Variants in MAN2B2 observed in about 807,000 individuals in gnomAD.
The protein encoded by MAN2B2 is epididymis-specific alpha-mannosidase.
A neutral mutation model predicts 117.1 loss-of-function variants in MAN2B2; 106 were observed. That is an observed-to-expected ratio of 0.90 (90% CI 0.77 to 1.06). The LOEUF (loss-of-function observed/expected upper bound fraction) is 1.06. Ranked by LOEUF, MAN2B2 falls within the 50% of genes least tolerant of loss-of-function variation. The probability of loss-of-function intolerance (pLI) is 0.00; values close to 1 mark genes in which losing one functional copy is unlikely to be tolerated. For missense variants in MAN2B2, 1,326 were observed against 1,381.4 expected (o/e 0.96, Z 0.64); for synonymous variants, 544 against 595.1 (o/e 0.91, Z 1.25).
At chr4:6,591,734 G>C (rs1330884008) in intron 5 of MAN2B2, among the ~76,000 whole-genome samples, 3 of 152,154 alleles carry the variant, frequency 2.0e-5, no homozygotes, top group Admixed American at 2.0e-4. Flanking sequence ...TCCCCAGAAG[G>C]CTTTGGGTGA....
rs576899784 is a variant in MAN2B2 at position 6,593,335 on chromosome 4, C to T, written c.843C>T (p.His281=). ...GGGCCGCCTGGTTCCGGACACCGCA[C>T]GTCCTCTGGCCCTGGGTAAGGCAGA... is the stretch of plus-strand genomic sequence containing the variant. ...KQRAAWFRTP[H]VLWPWGCDKQ... Residue 281 remains histidine, a synonymous_variant, in exon 6 of 19, where the codon CAC becomes CAT. Coordinates refer to ENST00000285599, the MANE Select transcript of MAN2B2 (RefSeq NM_015274.3). 2.0e-5 allele frequency: 33 copies of T among 1,612,702 alleles called. No individual in the cohort carries two copies. Among genetic ancestry groups the T allele is most frequent in the East Asian group, 8.9e-5 (4 of 44,822 alleles).
intron 4 of MAN2B2, among the ~76,000 whole-genome samples, chr4:6,588,475 C>T (rs1726729379): frequency 6.6e-6 from 1 of 152,154 alleles, no homozygotes; most frequent in Non-Finnish European, 1.5e-5. Flanking sequence ...AATCCCAGCC[C>T]TTTGGGAGGT....
chr4:6,590,104 G>A (rs1298902014), intron 5 of MAN2B2, among the ~76,000 whole-genome samples: 1 of 150,220 alleles, frequency 6.7e-6, no homozygotes, highest in Non-Finnish European at 1.5e-5. Context: ...GGGCACAGTA[G>A]CTCATGCCTG....
intron 3 of MAN2B2, among the ~76,000 whole-genome samples, chr4:6,583,896 C>G (rs192615369): frequency 8.7e-4 from 132 of 152,320 alleles, no homozygotes; most frequent in African/African-American, 3.0e-3. Context: ...AGCACACGCA[C>G]TGTGTTTAGG....
intron 3 of MAN2B2, among the ~76,000 whole-genome samples, chr4:6,578,979 C>T (rs1275558635): frequency 6.9e-6 from 1 of 144,700 alleles, no homozygotes; most frequent in Non-Finnish European, 1.5e-5. Context: ...ACCACCACCA[C>T]GATGACCATC....
chr4:6,606,758 C>T lies in MAN2B2; in HGVS notation c.1814+1429C>T, dbSNP rs147669759. On this transcript the variant is annotated intron_variant, in intron 11 of 18. Coordinates refer to ENST00000285599, the MANE Select transcript of MAN2B2 (RefSeq NM_015274.3). ...TGTTGGTATTCAGAGTAGGGGCCAT[C>T]GGGAGACGACACCTGGGGCCAGGCC... Among the ~76,000 whole-genome samples, 1,333 of 152,262 alleles carry T rather than the reference C, an allele frequency of 8.8e-3. 10 individuals are homozygous for T. Among genetic ancestry groups the T allele is most frequent in the Middle Eastern group, 0.055 (16 of 292 alleles).
chr4:6,584,298 G>C (rs1726551429), intron 3 of MAN2B2, among the ~76,000 whole-genome samples: 1 of 152,192 alleles, frequency 6.6e-6, no homozygotes, highest in South Asian at 2.1e-4. Flanking sequence ...TGATATCTGT[G>C]ATTCTCATGT....
At chr4:6,592,761 G>A (rs1360838289) in intron 5 of MAN2B2, among the ~76,000 whole-genome samples, 1 of 152,192 alleles carries the variant, frequency 6.6e-6, no homozygotes, top group African/African-American at 2.4e-5. Flanking sequence ...AACAGAGAAA[G>A]ATGTTAAATA....
At chr4:6,604,995 C>T (rs905872261) in intron 10 of MAN2B2, 60 bp from the exon 11 acceptor site, 1 of 1,562,686 alleles carries the variant, frequency 6.4e-7, no homozygotes, top group Non-Finnish European at 8.7e-7. Context: ...GTAGTGAGCA[C>T]CCCATTCCAG....
At chr4:6,611,381 T>C in intron 15 of MAN2B2, 103 bp downstream of exon 15, 1 of 1,279,880 alleles carries the variant, frequency 7.8e-7, no homozygotes, top group Non-Finnish European at 1.1e-6. Context: ...CTGGGCAGCT[T>C]TTGGGCAGGA....
At position 6,620,053 on chromosome 4, in the gene MAN2B2, AC is replaced by A. The variant is rs756837739; in HGVS notation, c.2932+14del. 6.2e-7 allele frequency: 1 copy of A among 1,601,992 alleles called. No homozygotes were observed. ...GCCTGGCCGCCACAGAGGTTTGGGGACCCCCGCTTCAGCTCCCTACCCAGGA... is the reference window on the plus strand; with the variant it reads ...GCCTGGCCGCCACAGAGGTTTGGGGACCCCGCTTCAGCTCCCTACCCAGGA... On this transcript the variant is annotated intron_variant, in intron 18 of 18. Transcript: ENST00000285599.
chr4:6,618,823 T>G (rs1290431360), intron 17 of MAN2B2: 1 of 152,262 alleles, frequency 6.6e-6, no homozygotes, highest in African/African-American at 2.4e-5. Flanking sequence ...CAGTACCTTT[T>G]CGCCATGATG....
chr4:6,617,290 A>T, intron 16 of MAN2B2, 90 bp from the exon 17 acceptor site: 2 of 930,950 alleles, frequency 2.1e-6, no homozygotes, highest in Non-Finnish European at 1.7e-6. Context: ...TAGGAAATGG[A>T]GCTGAGTGTG....
At chr4:6,589,289 G>A (rs1726768982) in intron 5 of MAN2B2, 129 bp downstream of exon 5, 11 of 671,260 alleles carry the variant, frequency 1.6e-5, no homozygotes, top group Admixed American at 8.1e-5. Flanking sequence ...TGCCCAGGCC[G>A]GAGTGCAGTA....
chr4:6,611,339 G>A (rs767972658), intron 15 of MAN2B2, 61 bp downstream of exon 15: 16 of 1,508,414 alleles, frequency 1.1e-5, no homozygotes, highest in Admixed American at 4.3e-5. Flanking sequence ...AGGCCAGGGC[G>A]GGCCTTGGGA....
chr4:6,609,862 C>T lies in MAN2B2; in HGVS notation c.2071C>T (p.His691Tyr), dbSNP rs756647779. The T allele has an allele frequency of 6.2e-7, 1 of 1,614,114 alleles. No individual in the cohort carries two copies. The highest frequency in any genetic ancestry group is 1.7e-5 in the Admixed American group (1 of 60,032). ...CCGGCTCACCCATGTGCCGCAGGGCCATGACGGGGAGCTGCTCTGCCACCG... is the reference window on the plus strand; with the variant it reads ...CCGGCTCACCCATGTGCCGCAGGGCTATGACGGGGAGCTGCTCTGCCACCG... The part of the protein sequence containing the change: ...RSRLTHVPQG[H>Y]DGELLCHRIE... The change falls in exon 13 of 19, where the codon CAT becomes TAT. Residue 691 changes from histidine to tyrosine, a missense_variant. His to Tyr is a moderately conservative substitution (Grantham distance 83). Coordinates refer to ENST00000285599, the MANE Select transcript of MAN2B2 (RefSeq NM_015274.3).
chr4:6,596,201 GTGGTATCCAGGCGGGCA>G (rs1464040742), intron 7 of MAN2B2, among the ~76,000 whole-genome samples: 1 of 150,902 alleles, frequency 6.6e-6, no homozygotes, highest in African/African-American at 2.5e-5. Flanking sequence ...CCAGGTGGGC[GTGGTATCCAGGCGGGCA>G]TGGTATCGTG....
chr4:6,606,540 C>A (rs752535800), intron 11 of MAN2B2, among the ~76,000 whole-genome samples: 3 of 152,256 alleles, frequency 2.0e-5, no homozygotes, highest in Non-Finnish European at 2.9e-5. Flanking sequence ...ACGGACCCCA[C>A]ATGCCTAAGC....
intron 12 of MAN2B2, 102 bp from the exon 13 acceptor site, chr4:6,609,696 A>G (rs1425329501): frequency 1.5e-6 from 2 of 1,294,632 alleles, no homozygotes; most frequent in Non-Finnish European, 2.2e-6. Flanking sequence ...CTTTCGGCGT[A>G]CCCTGCCCTG....
Sources: gnomAD v4.1 joint callset for allele counts (sites outside exome capture counted in the v4.1 genomes callset) on GRCh38, gnomAD v4.1.1 for gene constraint, MANE v1.5 for transcripts, NCBI Gene and HGNC (gene_info 2026-07-23, HGNC 2026-07-21) for gene names.